The following EGFLAM variants were observed in gnomAD, a reference collection of about 807,000 sequenced individuals.
EGFLAM encodes the protein EGF like, fibronectin type III and laminin G domains.
Under a neutral mutation model 113.1 loss-of-function variants are expected in EGFLAM, and 79 were observed. The observed-to-expected ratio is 0.70, with a 90% CI of 0.58 to 0.84. EGFLAM has a LOEUF of 0.84. EGFLAM is among the 40% of genes least tolerant of loss of function. The pLI is 0.00. For synonymous variants in EGFLAM, 504 were observed against 487.6 expected (o/e 1.03, Z -0.44); for missense variants, 1,265 against 1,291.6 (o/e 0.98, Z 0.32).
At chr5:38,378,204 T>C (rs1314171814) in intron 6 of EGFLAM, among the ~76,000 whole-genome samples, 1 of 152,112 alleles carries the variant, frequency 6.6e-6, no homozygotes, top group African/African-American at 2.4e-5. Flanking sequence ...CTCACCCCTC[T>C]TTTCTTCTCT....
At chr5:38,364,707 T>A (rs1355501770) in intron 5 of EGFLAM, among the ~76,000 whole-genome samples, 2 of 152,136 alleles carry the variant, frequency 1.3e-5, no homozygotes, top group Non-Finnish European at 2.9e-5. Flanking sequence ...CTTAATGAGC[T>A]CCCAGCCCAG....
intron 12 of EGFLAM, among the ~76,000 whole-genome samples, chr5:38,423,461 G>T (rs979622314): frequency 6.6e-6 from 1 of 152,126 alleles, no homozygotes; most frequent in Admixed American, 6.5e-5. Flanking sequence ...TTAAAAAATG[G>T]TTAAAATGCA....
At chr5:38,371,898 T>G (rs1740231297) in intron 6 of EGFLAM, among the ~76,000 whole-genome samples, 1 of 152,122 alleles carries the variant, frequency 6.6e-6, no homozygotes, top group Non-Finnish European at 1.5e-5. Flanking sequence ...TTCGTCTTTT[T>G]GCACTACAAA....
intron 17 of EGFLAM, among the ~76,000 whole-genome samples, chr5:38,447,364 T>G (rs1046645986): frequency 6.6e-6 from 1 of 152,196 alleles, no homozygotes; most frequent in African/African-American, 2.4e-5. Context: ...AAATCCTCCA[T>G]GCTTTCTACT....
chr5:38,361,390 C>T (rs1248564696), intron 5 of EGFLAM, among the ~76,000 whole-genome samples: 1 of 152,160 alleles, frequency 6.6e-6, no homozygotes, highest in Non-Finnish European at 1.5e-5. Flanking sequence ...GGTCTGTCTT[C>T]CTCTTGGAAC....
At chr5:38,277,506 A>G (rs1431474979) in intron 1 of EGFLAM, among the ~76,000 whole-genome samples, 1 of 152,208 alleles carries the variant, frequency 6.6e-6, no homozygotes, top group African/African-American at 2.4e-5. Flanking sequence ...GGAATGAGAT[A>G]AGGATGTCCA....
intron 5 of EGFLAM, among the ~76,000 whole-genome samples, chr5:38,365,141 C>T (rs964060498): frequency 1.3e-5 from 2 of 152,202 alleles, no homozygotes; most frequent in African/African-American, 4.8e-5. Context: ...TAGCCATTTC[C>T]TAGTTAACGT....
chr5:38,273,625 C>T (rs1757818208), intron 1 of EGFLAM, among the ~76,000 whole-genome samples: 1 of 152,226 alleles, frequency 6.6e-6, no homozygotes, highest in Non-Finnish European at 1.5e-5. Context: ...CAGACCTGGG[C>T]TTAGAGGGCC....
chr5:38,385,900 T>G lies in EGFLAM; in HGVS notation c.712+15438T>G, dbSNP rs143637022. Among the ~76,000 whole-genome samples, 3 of 152,346 alleles carry G rather than the reference T, an allele frequency of 2.0e-5. No homozygotes were observed. The East Asian group carries it at 5.8e-4, about 29-fold the overall frequency. On this transcript the variant is annotated intron_variant, in intron 6 of 21. Coordinates refer to ENST00000322350, the MANE Select transcript of EGFLAM (RefSeq NM_152403.4). ...TCCTAGAGTTGTACTTAGACAAACCTAGACGGTATAGCCTACAGCACGCCT... is the reference window on the plus strand; with the variant it reads ...TCCTAGAGTTGTACTTAGACAAACCGAGACGGTATAGCCTACAGCACGCCT...
intron 1 of EGFLAM, among the ~76,000 whole-genome samples, chr5:38,293,999 G>A (rs547100911): frequency 6.6e-6 from 1 of 152,246 alleles, no homozygotes; most frequent in East Asian, 1.9e-4. Context: ...CTACTAACCA[G>A]CTATTGCTTT....
chr5:38,442,343 TA>T lies in EGFLAM; in HGVS notation c.2464+3892del, dbSNP rs1408913569. On this transcript the variant is annotated intron_variant, in intron 17 of 21. Coordinates refer to ENST00000322350, the MANE Select transcript of EGFLAM (RefSeq NM_152403.4). ...TTTAATATCAATATATTATTTGATT[TA>T]AAATATTAAATTATATTAACATAAT... is the stretch of plus-strand genomic sequence containing the variant. 3.0e-4 allele frequency among the ~76,000 whole-genome samples: 44 copies of T among 147,918 alleles called. 1 individual carries two copies. In the South Asian group the frequency reaches 8.6e-3, roughly 29 times the overall value.
chr5:38,364,515 A>G (rs2112020347), intron 5 of EGFLAM, among the ~76,000 whole-genome samples: 1 of 152,256 alleles, frequency 6.6e-6, no homozygotes, highest in South Asian at 2.1e-4. Context: ...CTGTGGGGTG[A>G]GAGATGGGTC....
At chr5:38,460,075 T>C (rs1482118966) in intron 20 of EGFLAM, among the ~76,000 whole-genome samples, 2 of 152,216 alleles carry the variant, frequency 1.3e-5, no homozygotes, top group Non-Finnish European at 2.9e-5. Flanking sequence ...TTTCTGCCTC[T>C]TACCCATCTT....
intron 1 of EGFLAM, among the ~76,000 whole-genome samples, chr5:38,264,324 C>A (rs908146079): frequency 6.6e-6 from 1 of 152,116 alleles, no homozygotes; most frequent in African/African-American, 2.4e-5. Context: ...ATCCTTAGCA[C>A]GATGCAGCTC....
chr5:38,361,028 T>A (rs1049618589), intron 5 of EGFLAM, among the ~76,000 whole-genome samples: 1 of 150,966 alleles, frequency 6.6e-6, no homozygotes, highest in African/African-American at 2.4e-5. Context: ...CTAATTTTTT[T>A]TTTTTTTTTG....
intron 1 of EGFLAM, among the ~76,000 whole-genome samples, chr5:38,312,891 C>A (rs1327126283): frequency 6.6e-6 from 1 of 151,992 alleles, no homozygotes; most frequent in Non-Finnish European, 1.5e-5. Flanking sequence ...AGTTCAAGAC[C>A]AGCCTGCCCA....
At position 38,464,629 on chromosome 5, in the gene EGFLAM, G is replaced by A. The variant is rs985589484; in HGVS notation, c.*643G>A. On this transcript the variant is annotated 3_prime_UTR_variant, in exon 22 of 22. Coordinates refer to ENST00000322350, the MANE Select transcript of EGFLAM (RefSeq NM_152403.4). ...AAATCCCTACTTCTTATAATGCAGA[G>A]TTAAGGAGCTGAGCCCCCATGATTT... 2 of 152,290 alleles carry A rather than the reference G, an allele frequency of 1.3e-5. No individual in the cohort carries two copies. Among genetic ancestry groups the A allele is most frequent in the Non-Finnish European group, 2.9e-5 (2 of 68,104 alleles). The allele number at this position is 152,290 out of a possible 1,614,324, so 9.4% of individuals were successfully genotyped here.
chr5:38,318,479 T>G (rs1738658165), intron 1 of EGFLAM, among the ~76,000 whole-genome samples: 1 of 151,878 alleles, frequency 6.6e-6, no homozygotes, highest in East Asian at 1.9e-4. Context: ...AGCTATATAG[T>G]ATACTATACT....
chr5:38,373,324 G>C (rs1464638314), intron 6 of EGFLAM, among the ~76,000 whole-genome samples: 2 of 152,194 alleles, frequency 1.3e-5, no homozygotes, highest in Non-Finnish European at 2.9e-5. Flanking sequence ...TTCCCTGAGT[G>C]AGATGTATGT....
Sources: allele counts gnomAD v4.1 joint callset (sites outside exome capture counted in the v4.1 genomes callset), GRCh38; gene constraint gnomAD v4.1.1; transcripts MANE v1.5; gene names NCBI Gene and HGNC (gene_info 2026-07-23, HGNC 2026-07-21).